Variants in PPP2R1A observed in about 807,000 individuals in gnomAD.
PPP2R1A encodes the protein protein phosphatase 2 scaffold subunit Aalpha, also known as serine/threonine-protein phosphatase 2A 65 kDa regulatory subunit A alpha isoform.
In PPP2R1A, 15 loss-of-function variants were observed where a neutral mutation model predicts 67.1. That is an observed-to-expected ratio of 0.22 (90% CI 0.15 to 0.34). The LOEUF (loss-of-function observed/expected upper bound fraction) is 0.34. PPP2R1A is among the 10% of genes least tolerant of loss of function. The pLI, the probability that PPP2R1A is intolerant of heterozygous loss-of-function variation, is 1.00. For synonymous variants in PPP2R1A, 337 were observed against 325.0 expected, an observed-to-expected ratio of 1.04 and a Z score of -0.40; for missense variants, 369 against 775.0, an observed-to-expected ratio of 0.48 and a Z score of 6.22.
chr19:52,219,581 T>C lies in PPP2R1A; in HGVS notation c.1129-110T>C. The C allele has an allele frequency of 8.8e-7, 1 of 1,139,882 alleles. No individual in the cohort carries two copies. The highest frequency in any genetic ancestry group is 1.6e-5 in the South Asian group (1 of 61,736). 70.6% of individuals were successfully genotyped at this position (1,139,882 alleles called of 1,614,324 possible). A position where few individuals can be genotyped will look rare whatever the true frequency, so the allele number is the denominator to read the frequency against. On this transcript the variant is annotated intron_variant, in intron 9 of 14. Coordinates refer to ENST00000322088, the MANE Select transcript of PPP2R1A (RefSeq NM_014225.6). This position sits in a 1 kb window ranked among gnomAD's most constrained non-coding sequence, Gnocchi z 4.0. ...ACGGGGAGCTGGGCTTGGACAGGAG[T>C]AGTCCCTCGGGAGATGTCCATAAAA...
chr19:52,218,429 A>G (rs1041580461), intron 9 of PPP2R1A, among the ~76,000 whole-genome samples: 1 of 152,050 alleles, frequency 6.6e-6, no homozygotes. Flanking sequence ...CGCTATTTTT[A>G]ATATTTTTTT....
At chr19:52,193,274 A>T (rs896632410) in intron 1 of PPP2R1A, among the ~76,000 whole-genome samples, 5 of 152,374 alleles carry the variant, frequency 3.3e-5, no homozygotes, top group African/African-American at 1.2e-4. Flanking sequence ...GTTGCTGATT[A>T]TATTCATATG....
intron 1 of PPP2R1A, among the ~76,000 whole-genome samples, chr19:52,191,868 G>A (rs1226235401): frequency 6.6e-6 from 1 of 152,152 alleles, no homozygotes; most frequent in Non-Finnish European, 1.5e-5. Flanking sequence ...GAAACAAATA[G>A]GATGTAGTGG....
chr19:52,215,767 T>C lies in PPP2R1A; in HGVS notation c.808-12T>C, dbSNP rs199722933. On this transcript the variant is annotated splice_polypyrimidine_tract_variant and intron_variant, in intron 6 of 14. Coordinates refer to ENST00000322088, the MANE Select transcript of PPP2R1A (RefSeq NM_014225.6). ...CCCCTCTCACTCTCCCCCTCCTCCT[T>C]CCTGTCTGCAGCTCCAGAAAGCAGT... 2.9e-5 allele frequency: 46 copies of C among 1,611,338 alleles called. No individual in the cohort carries two copies. In the African/African-American group the frequency reaches 5.6e-4, roughly 20 times the overall value.
chr19:52,220,222 T>C lies in PPP2R1A; in HGVS notation c.1336T>C (p.Leu446=), dbSNP rs569487159. Residue 446 remains leucine (L), a synonymous_variant, in exon 11 of 15, where the codon TTG becomes CTG. Coordinates refer to ENST00000322088, the MANE Select transcript of PPP2R1A (RefSeq NM_014225.6). ...GTTCTTTGATGAGAAACTTAACTCCTTGTGCATGGCCTGGCTTGTGGATCA... is the reference window on the plus strand; with the variant it reads ...GTTCTTTGATGAGAAACTTAACTCCCTGTGCATGGCCTGGCTTGTGGATCA... ...VEFFDEKLNS[L]CMAWLVDHVY... is the part of the protein sequence containing the mutation. The C allele has an allele frequency of 6.2e-7, 1 of 1,614,064 alleles. No homozygotes were observed. The highest frequency in any genetic ancestry group is 1.3e-5 in the African/African-American group (1 of 75,004).
At chr19:52,202,521 A>G (rs2089560172) in intron 2 of PPP2R1A, among the ~76,000 whole-genome samples, 1 of 152,246 alleles carries the variant, frequency 6.6e-6, no homozygotes, top group African/African-American at 2.4e-5. Flanking sequence ...ATACATCACT[A>G]TCATTTCACC....
intron 1 of PPP2R1A, among the ~76,000 whole-genome samples, chr19:52,194,676 C>T (rs796317632): frequency 1.6e-4 from 25 of 152,180 alleles, no homozygotes; most frequent in African/African-American, 6.0e-4. Context: ...GAAGTTTGAA[C>T]CCCCGCTCTG....
chr19:52,216,446 T>A lies in PPP2R1A; in HGVS notation c.994-83T>A. The A allele has an allele frequency of 6.5e-7, 1 of 1,534,394 alleles. No individual in the cohort carries two copies. Among genetic ancestry groups the A allele is most frequent in the Non-Finnish European group, 9.0e-7 (1 of 1,117,230 alleles). On this transcript the variant is annotated intron_variant, in intron 8 of 14. Transcript: ENST00000322088. The surrounding 1 kb of genome is among the most constrained non-coding windows in gnomAD (Gnocchi z 4.3). ...TGAGAGGGGCAGAAGCAGGTTATTG[T>A]CTCTTAGGAGTTGGCATCTGCTTAG...
At chr19:52,218,854 A>C (rs1175422572) in intron 9 of PPP2R1A, among the ~76,000 whole-genome samples, 1 of 152,186 alleles carries the variant, frequency 6.6e-6, no homozygotes, top group Non-Finnish European at 1.5e-5. Flanking sequence ...GCTATATGGT[A>C]ATCGTGTGCT....
rs1238511425 is a variant in PPP2R1A, at chr19:52,216,388, C to T, written c.994-141C>T. 2 of 1,153,178 alleles carry T rather than the reference C, an allele frequency of 1.7e-6. No homozygotes were observed. The highest frequency in any genetic ancestry group is 1.5e-5 in the African/African-American group (1 of 64,878). 71.4% of individuals were successfully genotyped at this position (1,153,178 alleles called of 1,614,324 possible). A position where few individuals can be genotyped will look rare whatever the true frequency, so the allele number is the denominator to read the frequency against. Reference sequence around the variant, plus strand: ...GGTACTCATAAGGAATAGTGATTTCCCCTGTACCCTAAGCCATCCCCTGCT... The same window carrying T: ...GGTACTCATAAGGAATAGTGATTTCTCCTGTACCCTAAGCCATCCCCTGCT... On this transcript the variant is annotated intron_variant, in intron 8 of 14. Transcript: ENST00000322088. This position sits in a 1 kb window ranked among gnomAD's most constrained non-coding sequence, Gnocchi z 4.3.
At position 52,216,648 on chromosome 19, in the gene PPP2R1A, T is replaced by A; in HGVS notation, c.1113T>A (p.Ala371=). The change falls in exon 9 of 15, where the codon GCT becomes GCA. Residue 371 remains alanine (A), a synonymous_variant. Transcript: ENST00000322088. The surrounding 1 kb of genome is among the most constrained non-coding windows in gnomAD (Gnocchi z 4.3). ...TIEHLLPLFL[A]QLKDECPEVR... is the part of the protein sequence containing the mutation. ...AGCACCTCTTGCCCCTCTTCCTGGC[T>A]CAGCTGAAGGATGAGGTAAGGGCAC... 3 of 1,614,118 alleles carry A rather than the reference T, an allele frequency of 1.9e-6. No homozygotes were observed. The highest frequency in any genetic ancestry group is 2.5e-6 in the Non-Finnish European group (3 of 1,180,026).
At chr19:52,198,490 C>G (rs1487251004) in intron 1 of PPP2R1A, among the ~76,000 whole-genome samples, 1 of 152,080 alleles carries the variant, frequency 6.6e-6, no homozygotes. Context: ...CACAGAACTC[C>G]AGGAAACACT....
intron 2 of PPP2R1A, among the ~76,000 whole-genome samples, chr19:52,204,659 G>T (rs757861556): frequency 1.5e-4 from 23 of 152,186 alleles, no homozygotes; most frequent in Non-Finnish European, 1.6e-4. Context: ...AGGAGACAAA[G>T]AAAACAGGGA....
At chr19:52,201,026 G>A (rs13346076) in intron 1 of PPP2R1A, 2 of 151,214 alleles carry the variant, frequency 1.3e-5, no homozygotes, top group African/African-American at 4.9e-5. Flanking sequence ...TGATGTGCAC[G>A]TCACTGGATT....
chr19:52,218,394 A>G (rs73935041), intron 9 of PPP2R1A, among the ~76,000 whole-genome samples: 6,566 of 152,136 alleles, frequency 0.043, 185 homozygotes, highest in African/African-American at 0.077. Flanking sequence ...ATTACAGTGA[A>G]TTTTTTAATA....
Position 52,213,467 on chromosome 19 carries a change from TTTTTTTTTTTTTTTTTTTTTA to T in PPP2R1A, c.807+358_807+378del, listed in dbSNP as rs1274893806. 9.0e-5 allele frequency among the ~76,000 whole-genome samples: 10 copies of T among 111,368 alleles called. 2 individuals are homozygous for T. In the East Asian group the frequency reaches 1.6e-3, roughly 18 times the overall value. The allele number at this position is 111,368 out of a possible 152,430, so 73.1% of individuals were successfully genotyped here. A position where few individuals can be genotyped will look rare whatever the true frequency, so the allele number is the denominator to read the frequency against. On this transcript the variant is annotated intron_variant, in intron 6 of 14. Coordinates refer to ENST00000322088, the MANE Select transcript of PPP2R1A (RefSeq NM_014225.6). This position sits in a 1 kb window ranked among gnomAD's most constrained non-coding sequence, Gnocchi z 4.2. ...GTGGGGTTTTTTGGTGTTTTTTTTT[TTTTTTTTTTTTTTTTTTTTTA>T]AGATGGAGTCTGTCGCCCAGGCTAG...
chr19:52,193,784 G>A (rs1387189271), intron 1 of PPP2R1A, among the ~76,000 whole-genome samples: 2 of 151,856 alleles, frequency 1.3e-5, no homozygotes, highest in African/African-American at 4.8e-5. Context: ...TGGCCAGGCT[G>A]GTCTCAAACT....
chr19:52,215,386 T>C (rs1389897284), intron 6 of PPP2R1A, among the ~76,000 whole-genome samples: 1 of 152,208 alleles, frequency 6.6e-6, no homozygotes, highest in African/African-American at 2.4e-5. Flanking sequence ...ACAAAAGTAA[T>C]TCGTGCTTCT....
At chr19:52,209,507 T>A (rs2089642945) in intron 3 of PPP2R1A, among the ~76,000 whole-genome samples, 1 of 152,262 alleles carries the variant, frequency 6.6e-6, no homozygotes, top group Non-Finnish European at 1.5e-5. Flanking sequence ...TTTTTATTCT[T>A]AGTTTTACTG....
Sources: allele counts gnomAD v4.1 joint callset (sites outside exome capture counted in the v4.1 genomes callset), GRCh38; gene constraint gnomAD v4.1.1; non-coding constraint Gnocchi (gnomAD v3.1); transcripts MANE v1.5; gene names NCBI Gene and HGNC (gene_info 2026-07-23, HGNC 2026-07-21).